The following SGPL1 variants were observed in gnomAD, a reference collection of about 807,000 sequenced individuals.
SGPL1 encodes sphingosine-1-phosphate lyase 1.
In SGPL1, 37 loss-of-function variants were observed where a neutral mutation model predicts 68.9. That is an observed-to-expected ratio of 0.54 (90% CI 0.41 to 0.71). SGPL1 has a LOEUF of 0.71. Ranked by LOEUF, SGPL1 falls within the 30% of genes least tolerant of loss-of-function variation. The probability of loss-of-function intolerance (pLI) is 0.00; values close to 1 mark genes in which losing one functional copy is unlikely to be tolerated. For synonymous variants in SGPL1, 236 were observed against 248.5 expected (o/e 0.95, Z 0.47); for missense variants, 551 against 704.6 (o/e 0.78, Z 2.47).
At chr10:70,866,778 A>G (rs542438220) in intron 7 of SGPL1, 1 of 152,326 alleles carries the variant, frequency 6.6e-6, no homozygotes, top group African/African-American at 2.4e-5. Context: ...TGGGTGCATT[A>G]TTTTTTGGTG....
intron 6 of SGPL1, among the ~76,000 whole-genome samples, chr10:70,858,651 T>C (rs1846001482): frequency 6.6e-6 from 1 of 152,252 alleles, no homozygotes. Flanking sequence ...CTCAGGTTCT[T>C]ATGCAGCAGA....
chr10:70,868,269 C>T (rs986943982), intron 7 of SGPL1, 76 bp from the exon 8 acceptor site: 3 of 997,336 alleles, frequency 3.0e-6, no homozygotes, highest in Non-Finnish European at 4.5e-6. Context: ...CTGTATCAAA[C>T]ATTGTCAAGA....
chr10:70,854,662 A>G (rs762191349), intron 4 of SGPL1, 46 bp from the exon 5 acceptor site: 11 of 1,560,484 alleles, frequency 7.0e-6, no homozygotes, highest in African/African-American at 6.8e-5. Flanking sequence ...TGCTGTCTCT[A>G]CTGTACTCTT....
intron 5 of SGPL1, among the ~76,000 whole-genome samples, chr10:70,857,010 G>A (rs1487281630): frequency 6.6e-6 from 1 of 152,226 alleles, no homozygotes; most frequent in African/African-American, 2.4e-5. Flanking sequence ...GCTACAGCGT[G>A]TGCTGCTGGA....
intron 7 of SGPL1, among the ~76,000 whole-genome samples, chr10:70,864,163 A>G (rs1324621560): frequency 6.6e-6 from 1 of 152,134 alleles, no homozygotes; most frequent in Non-Finnish European, 1.5e-5. Flanking sequence ...TAGAAGTTCC[A>G]TAATTGTTTT....
intron 7 of SGPL1, among the ~76,000 whole-genome samples, chr10:70,867,474 A>G (rs935857836): frequency 1.3e-5 from 2 of 152,064 alleles, no homozygotes; most frequent in Non-Finnish European, 2.9e-5. Flanking sequence ...ATGGCAGGAG[A>G]ATCGCTTGAA....
rs1846428797 is a variant in SGPL1, at chr10:70,877,979, T to G, written c.*644T>G. ...ACCGGCACCCACCACCACGCCTGGC[T>G]AATTTTTCAATTTTCTTTTTCAGTA... On this transcript the variant is annotated 3_prime_UTR_variant, in exon 15 of 15. Coordinates refer to ENST00000373202, the MANE Select transcript of SGPL1 (RefSeq NM_003901.4). The G allele has an allele frequency of 6.6e-6, 1 of 152,210 alleles. No individual in the cohort carries two copies. Among genetic ancestry groups the G allele is most frequent in the South Asian group, 2.1e-4 (1 of 4,816 alleles). 9.4% of individuals were successfully genotyped at this position (152,210 alleles called of 1,614,324 possible). A position where few individuals can be genotyped will look rare whatever the true frequency, so the allele number is the denominator to read the frequency against.
intron 3 of SGPL1, among the ~76,000 whole-genome samples, chr10:70,849,064 C>T (rs757902722): frequency 6.6e-6 from 1 of 152,060 alleles, no homozygotes; most frequent in Admixed American, 6.6e-5. Context: ...TGCTGTATTC[C>T]GTTCTTTTTA....
intron 2 of SGPL1, among the ~76,000 whole-genome samples, chr10:70,842,552 A>G (rs1007798830): frequency 6.6e-6 from 1 of 152,150 alleles, no homozygotes; most frequent in African/African-American, 2.4e-5. Context: ...GCTTACAATC[A>G]TGGCGGAAGG....
chr10:70,861,469 C>T (rs1001081288), intron 7 of SGPL1, among the ~76,000 whole-genome samples: 1 of 152,148 alleles, frequency 6.6e-6, no homozygotes, highest in Non-Finnish European at 1.5e-5. Flanking sequence ...AGTGAGAGGT[C>T]ACAGCGTGCT....
intron 2 of SGPL1, among the ~76,000 whole-genome samples, chr10:70,829,360 G>C (rs138279166): frequency 2.6e-5 from 4 of 152,294 alleles, no homozygotes; most frequent in Non-Finnish European, 4.4e-5. Flanking sequence ...TACAACATAG[G>C]CATGGGAATC....
chr10:70,844,028 A>G (rs1016709880), intron 2 of SGPL1, among the ~76,000 whole-genome samples: 1 of 152,222 alleles, frequency 6.6e-6, no homozygotes, highest in Non-Finnish European at 1.5e-5. Context: ...CACTTAAAAT[A>G]TAAAATAATT....
intron 11 of SGPL1, among the ~76,000 whole-genome samples, chr10:70,873,022 C>T (rs578064218): frequency 1.5e-3 from 229 of 152,260 alleles, no homozygotes; most frequent in African/African-American, 5.3e-3. Flanking sequence ...CAAACTTACC[C>T]TTGCTTTCAT....
chr10:70,827,518 A>G (rs1163267474), intron 2 of SGPL1, among the ~76,000 whole-genome samples: 2 of 152,246 alleles, frequency 1.3e-5, no homozygotes, highest in African/African-American at 4.8e-5. Flanking sequence ...GTCATGAAAT[A>G]GGAAACTTCA....
chr10:70,844,896 C>T (rs1393397108), intron 3 of SGPL1, among the ~76,000 whole-genome samples: 3 of 152,126 alleles, frequency 2.0e-5, no homozygotes, highest in Non-Finnish European at 2.9e-5. Context: ...CACGCCACCA[C>T]GCCCAGCTAA....
chr10:70,873,104 C>T (rs1048260541), intron 11 of SGPL1, among the ~76,000 whole-genome samples: 2 of 152,098 alleles, frequency 1.3e-5, no homozygotes, highest in Non-Finnish European at 2.9e-5. Context: ...GGGAGTAAAC[C>T]GATTAACTGG....
At chr10:70,853,133 T>G (rs1263197194) in intron 4 of SGPL1, among the ~76,000 whole-genome samples, 3 of 152,248 alleles carry the variant, frequency 2.0e-5, no homozygotes, top group Non-Finnish European at 4.4e-5. Context: ...TGAATTAATT[T>G]TTTAATTTAC....
At chr10:70,847,673 AT>A (rs770466094) in intron 3 of SGPL1, among the ~76,000 whole-genome samples, 6 of 152,242 alleles carry the variant, frequency 3.9e-5, no homozygotes, top group Non-Finnish European at 8.8e-5. Flanking sequence ...AATTTAGCAC[AT>A]ACACACACAG....
intron 14 of SGPL1, 136 bp downstream of exon 14, chr10:70,876,797 CTGA>C: frequency 1.3e-6 from 1 of 774,564 alleles, no homozygotes; most frequent in Non-Finnish European, 2.1e-6. Context: ...TTGACTGGAG[CTGA>C]TGATCTCTGC....
Sources: gnomAD v4.1 joint callset for allele counts (sites outside exome capture counted in the v4.1 genomes callset) on GRCh38, gnomAD v4.1.1 for gene constraint, MANE v1.5 for transcripts, NCBI Gene and HGNC (gene_info 2026-07-23, HGNC 2026-07-21) for gene names.